Variants in TCERG1L observed in about 807,000 individuals in gnomAD.
The protein encoded by TCERG1L is transcription elongation regulator 1-like protein.
A neutral mutation model predicts 56.3 loss-of-function variants in TCERG1L; 37 were observed. The ratio of observed to expected loss-of-function variants is 0.66; its 90% CI spans 0.51 to 0.87. The LOEUF is 0.87. Among genes scored for constraint, TCERG1L ranks in the 40% least tolerant of loss-of-function variants. The pLI is 0.00. For synonymous variants in TCERG1L, 324 were observed against 326.3 expected (o/e 0.99, Z 0.08); for missense variants, 799 against 774.2 (o/e 1.03, Z -0.38).
chr10:131,203,385 G>A (rs1845467415), intron 4 of TCERG1L, among the ~76,000 whole-genome samples: 2 of 150,652 alleles, frequency 1.3e-5, no homozygotes, highest in Non-Finnish European at 3.0e-5. Flanking sequence ...TCAGCTCACT[G>A]TTTAATGAGG....
chr10:131,172,911 T>C (rs1391532842), intron 4 of TCERG1L, among the ~76,000 whole-genome samples: 2 of 139,172 alleles, frequency 1.4e-5, no homozygotes, highest in East Asian at 4.2e-4. Flanking sequence ...TTTTTTGAGA[T>C]GGAGTTTTGC....
chr10:131,192,871 G>A (rs1368357709), intron 4 of TCERG1L, among the ~76,000 whole-genome samples: 2 of 105,688 alleles, frequency 1.9e-5, no homozygotes, highest in East Asian at 3.9e-4. Context: ...GGGAGAGTGT[G>A]AGGAGCTGAG....
rs1265256584 is a variant in TCERG1L, at chr10:131,311,446, C to A, written c.190G>T (p.Ala64Ser). 6.0e-5 allele frequency: 70 copies of A among 1,175,152 alleles called. No homozygotes were observed. The highest frequency in any genetic ancestry group is 7.1e-5 in the Non-Finnish European group (68 of 953,142). 72.8% of individuals were successfully genotyped at this position (1,175,152 alleles called of 1,614,324 possible). ...AGVVVPPVLLASAPPPAAPLL... is the reference protein window; with the variant it reads ...AGVVVPPVLLSSAPPPAAPLL... ...GGGGCCGCGGGCGGCGGGGCCGAGGCGAGCAGCACCGGGGGAACCACGACC... is the reference window on the plus strand; with the variant it reads ...GGGGCCGCGGGCGGCGGGGCCGAGGAGAGCAGCACCGGGGGAACCACGACC... Residue 64 changes from alanine to serine, a missense_variant, in exon 1 of 12, where the codon GCC (alanine) becomes TCC (serine). Physicochemically the swap from Ala to Ser is moderately conservative, Grantham distance 99 (BLOSUM62 1). Coordinates refer to ENST00000368642, the MANE Select transcript of TCERG1L (RefSeq NM_174937.4). This position sits in a 1 kb window ranked among gnomAD's most constrained non-coding sequence, Gnocchi z 4.0.
intron 3 of TCERG1L, among the ~76,000 whole-genome samples, chr10:131,270,506 A>G (rs1199083149): frequency 1.3e-5 from 2 of 152,230 alleles, no homozygotes. Flanking sequence ...GCTTATAAAA[A>G]TCAATATTTT....
At chr10:131,094,464 G>C (rs896030683) in intron 11 of TCERG1L, among the ~76,000 whole-genome samples, 5 of 152,224 alleles carry the variant, frequency 3.3e-5, no homozygotes, top group Non-Finnish European at 7.3e-5. Context: ...ATGCCGACAT[G>C]GCTGTTAGAA....
chr10:131,154,429 T>A (rs1046450066), intron 6 of TCERG1L, among the ~76,000 whole-genome samples: 2 of 152,174 alleles, frequency 1.3e-5, no homozygotes, highest in Non-Finnish European at 2.9e-5. Context: ...CTTTCACCCC[T>A]GAATGCCCTG....
chr10:131,208,803 A>C (rs529751087), intron 4 of TCERG1L, among the ~76,000 whole-genome samples: 2 of 152,296 alleles, frequency 1.3e-5, no homozygotes, highest in South Asian at 4.1e-4. Context: ...CACGCCTGTA[A>C]TCCCAGCACT....
intron 4 of TCERG1L, among the ~76,000 whole-genome samples, chr10:131,232,569 T>C (rs1845864266): frequency 6.6e-6 from 1 of 152,266 alleles, no homozygotes; most frequent in Admixed American, 6.5e-5. Context: ...TAAGAGAGGT[T>C]GATGAATCTG....
chr10:131,179,015 C>T (rs940526017), intron 4 of TCERG1L, among the ~76,000 whole-genome samples: 3 of 152,254 alleles, frequency 2.0e-5, no homozygotes, highest in African/African-American at 7.2e-5. Context: ...CTCATGATGG[C>T]ACCAGCCCAG....
chr10:131,263,959 A>G (rs1846258677), intron 3 of TCERG1L, among the ~76,000 whole-genome samples: 1 of 150,008 alleles, frequency 6.7e-6, no homozygotes, highest in African/African-American at 2.4e-5. Context: ...CAGTTGAGGA[A>G]GGAAAAGATG....
Position 131,273,322 on chromosome 10 carries a change from G to A in TCERG1L, c.671-12878C>T, listed in dbSNP as rs190991726. On this transcript the variant is annotated intron_variant, in intron 3 of 11. Coordinates refer to ENST00000368642, the MANE Select transcript of TCERG1L (RefSeq NM_174937.4). ...CTCGGGCAGTGTCTTTTGGGGGCTC[G>A]GGCACATCCAGCTGGCCTCCTCCGT... Among the ~76,000 whole-genome samples the A allele has an allele frequency of 1.4e-3, 209 of 152,226 alleles. 3 individuals carry two copies. Among genetic ancestry groups the A allele is most frequent in the Admixed American group, 0.012 (178 of 15,290 alleles).
At chr10:131,144,339 C>T (rs1845771617) in intron 7 of TCERG1L, among the ~76,000 whole-genome samples, 1 of 152,184 alleles carries the variant, frequency 6.6e-6, no homozygotes, top group South Asian at 2.1e-4. Flanking sequence ...GGTTAAATAT[C>T]TGACGAGCCG....
chr10:131,198,612 G>T (rs977594914), intron 4 of TCERG1L, among the ~76,000 whole-genome samples: 1 of 152,216 alleles, frequency 6.6e-6, no homozygotes, highest in East Asian at 1.9e-4. Flanking sequence ...CCCATGCAGC[G>T]GTGCTGGAGC....
intron 3 of TCERG1L, among the ~76,000 whole-genome samples, chr10:131,272,772 C>T (rs1480075887): frequency 1.3e-5 from 2 of 152,224 alleles, no homozygotes; most frequent in African/African-American, 4.8e-5. Context: ...CTCAGTGCTG[C>T]CCACCCTGCC....
At chr10:131,289,070 C>T (rs1279144289) in intron 3 of TCERG1L, among the ~76,000 whole-genome samples, 1 of 152,170 alleles carries the variant, frequency 6.6e-6, no homozygotes. Context: ...AAAGCTCTTC[C>T]TATTTCCTGA....
intron 8 of TCERG1L, among the ~76,000 whole-genome samples, chr10:131,125,407 A>G (rs1300256012): frequency 6.6e-6 from 1 of 152,216 alleles, no homozygotes; most frequent in Admixed American, 6.5e-5. Context: ...TTATCATCAA[A>G]ATACTGCCAG....
At chr10:131,160,509 C>T (rs928125202) in intron 6 of TCERG1L, among the ~76,000 whole-genome samples, 17 of 152,182 alleles carry the variant, frequency 1.1e-4, no homozygotes, top group Admixed American at 5.2e-4. Flanking sequence ...ACCCGCCATT[C>T]ATTCCCTCAT....
intron 4 of TCERG1L, among the ~76,000 whole-genome samples, chr10:131,236,642 T>G (rs1385642135): frequency 1.3e-5 from 2 of 152,226 alleles, no homozygotes; most frequent in Non-Finnish European, 2.9e-5. Context: ...TGAAGCCCTC[T>G]GAATCTTATT....
intron 7 of TCERG1L, among the ~76,000 whole-genome samples, chr10:131,136,194 G>A (rs758409032): frequency 2.0e-5 from 3 of 152,230 alleles, no homozygotes; most frequent in African/African-American, 4.8e-5. Context: ...GGACACTGGA[G>A]GGTATCCACT....
Sources: gnomAD v4.1 joint callset for allele counts (sites outside exome capture counted in the v4.1 genomes callset) on GRCh38, gnomAD v4.1.1 for gene constraint, Gnocchi (gnomAD v3.1) non-coding constraint, MANE v1.5 for transcripts, NCBI Gene and HGNC (gene_info 2026-07-23, HGNC 2026-07-21) for gene names.